The following THOC3 variants were observed in gnomAD, a reference collection of about 807,000 sequenced individuals.
THOC3 encodes the protein THO complex subunit 3.
Under a neutral mutation model 23.3 loss-of-function variants are expected in THOC3, and 4 were observed. That is an observed-to-expected ratio of 0.17 (90% CI 0.08 to 0.39). The LOEUF (loss-of-function observed/expected upper bound fraction) is 0.39, where lower values mean the gene tolerates loss of function less well. Ranked by LOEUF, THOC3 falls within the 10% of genes least tolerant of loss-of-function variation. The pLI is 1.00. For synonymous variants in THOC3, 27 were observed against 141.5 expected (o/e 0.19, Z 5.74); for missense variants, 64 against 359.4 (o/e 0.18, Z 6.65).
rs2113047666 is a variant in THOC3, at chr5:175,959,629, C to A, written c.*340G>T. On this transcript the variant is annotated 3_prime_UTR_variant, in exon 6 of 6. Coordinates refer to ENST00000265097, the MANE Select transcript of THOC3 (RefSeq NM_032361.4). ...AAAAAACTTCCATGCCCTTCCATTC[C>A]CCTCCCTCCAAACTAGGTATTGTCC... 2 of 133,378 alleles carry A rather than the reference C, an allele frequency of 1.5e-5. No homozygotes were observed. The highest frequency in any genetic ancestry group is 4.1e-4 in the East Asian group (2 of 4,930). 8.3% of individuals were successfully genotyped at this position (133,378 alleles called of 1,614,324 possible). A position where few individuals can be genotyped will look rare whatever the true frequency, so the allele number is the denominator to read the frequency against.
chr5:175,968,060 T>G lies in THOC3; in HGVS notation c.149A>C (p.Glu50Ala). ...ELFRGHSKTR[E>A]FLAHSAKVHS... ...CACCTTGGCGCTGTGCGCCAGGAACTCGCGCGTCTTGCTGTGGCCCCGGAA... is the reference window on the plus strand; with the variant it reads ...CACCTTGGCGCTGTGCGCCAGGAACGCGCGCGTCTTGCTGTGGCCCCGGAA... The change falls in exon 1 of 6, where the codon GAG becomes GCG. Residue 50 changes from glutamate to alanine, a missense_variant. Physicochemically the swap from Glu to Ala is moderately radical, Grantham distance 107 (BLOSUM62 -1). Transcript: ENST00000265097. 6.2e-7 allele frequency: 1 copy of G among 1,611,642 alleles called. No homozygotes were observed. Among genetic ancestry groups the G allele is most frequent in the Non-Finnish European group, 8.5e-7 (1 of 1,179,782 alleles).
At chr5:175,962,322 T>C (rs1310113322) in intron 3 of THOC3, among the ~76,000 whole-genome samples, 1 of 141,340 alleles carries the variant, frequency 7.1e-6, no homozygotes, top group Non-Finnish European at 1.5e-5. Context: ...ATATTTGTAA[T>C]ATAGAAGAGG....
At chr5:175,962,421 T>TACACACACACACACGCACAC (rs1756677792) in intron 3 of THOC3, among the ~76,000 whole-genome samples, 1 of 44,192 alleles carries the variant, frequency 2.3e-5, no homozygotes, top group African/African-American at 7.5e-5. Flanking sequence ...TATATATATA[T>TACACACACACACACGCACAC]ACACACACAC....
chr5:175,967,569 C>CG (rs1756796650), intron 1 of THOC3: 4 of 307,292 alleles, frequency 1.3e-5, no homozygotes, highest in East Asian at 1.2e-4. Flanking sequence ...ACCACCACCA[C>CG]CACCACCACC....
chr5:175,960,547 A>T (rs77014357), intron 5 of THOC3: 1 of 139,746 alleles, frequency 7.2e-6, no homozygotes. Flanking sequence ...AAGAGTGTCA[A>T]AGATTTCCAA....
chr5:175,965,591 A>AT (rs534154687), intron 2 of THOC3, among the ~76,000 whole-genome samples: 17 of 152,238 alleles, frequency 1.1e-4, no homozygotes, highest in African/African-American at 4.1e-4. Context: ...CACCAGGCTA[A>AT]TTTTTTTGTA....
intron 3 of THOC3, among the ~76,000 whole-genome samples, chr5:175,962,672 G>A (rs1756688711): frequency 7.0e-6 from 1 of 143,148 alleles, no homozygotes; most frequent in Non-Finnish European, 1.5e-5. Flanking sequence ...ATATACACGT[G>A]CGTCACCACG....
At chr5:175,962,138 A>G (rs1756671232) in intron 3 of THOC3, among the ~76,000 whole-genome samples, 1 of 151,992 alleles carries the variant, frequency 6.6e-6, no homozygotes, top group Admixed American at 6.5e-5. Flanking sequence ...GCAAAAACCA[A>G]AAACATTTTT....
Position 175,968,022 on chromosome 5 carries a change from A to G in THOC3, c.187T>C (p.Trp63Arg), listed in dbSNP as rs1756809692. Residue 63 changes from tryptophan to arginine, a missense_variant, in exon 1 of 6, where the codon TGG becomes CGG. Physicochemically the swap from Trp to Arg is moderately radical, Grantham distance 101 (BLOSUM62 -3). Transcript: ENST00000265097. ...GCTAGGCGACGCCCGTCGCAACTCC[A>G]GGCCACCGAGTGCACCTTGGCGCTG... ...AHSAKVHSVA[W>R]SCDGRRLASG... 1 of 1,610,428 alleles carries G rather than the reference A, an allele frequency of 6.2e-7. No individual in the cohort carries two copies. Among genetic ancestry groups the G allele is most frequent in the Non-Finnish European group, 8.5e-7 (1 of 1,179,440 alleles).
At position 175,965,087 on chromosome 5, in the gene THOC3, C is replaced by T. The variant is rs1756740436; in HGVS notation, c.493G>A (p.Val165Met). Residue 165 changes from valine (V) to methionine (M), a missense_variant, in exon 3 of 6, where the codon GTG becomes ATG. Transcript: ENST00000265097. The part of the protein sequence containing the change: ...TIAVGNKDDV[V>M]TFIDAKTHRS... Reference sequence around the variant, plus strand: ...TGTGTCTTGGCATCAATAAAGGTCACCACATCATCCTTGTTGCCTACAGCA... The same window carrying T: ...TGTGTCTTGGCATCAATAAAGGTCATCACATCATCCTTGTTGCCTACAGCA... The T allele has an allele frequency of 1.3e-6, 2 of 1,576,518 alleles. No homozygotes were observed. Among genetic ancestry groups the T allele is most frequent in the Non-Finnish European group, 1.7e-6 (2 of 1,163,454 alleles).
intron 3 of THOC3, among the ~76,000 whole-genome samples, chr5:175,961,971 G>T (rs1159623022): frequency 6.7e-6 from 1 of 149,776 alleles, no homozygotes; most frequent in Non-Finnish European, 1.5e-5. Context: ...TTAAAAAAAT[G>T]ACTAGAGACT....
rs1257254248 is a variant in THOC3, at chr5:175,962,673, C to G, written c.630-1239G>C. On this transcript the variant is annotated intron_variant, in intron 3 of 5. Coordinates refer to ENST00000265097, the MANE Select transcript of THOC3 (RefSeq NM_032361.4). ...CCAAGCAGCTGGGAATATACACGTG[C>G]GTCACCACGCCCAGATAATTTTTGT... is the stretch of plus-strand genomic sequence containing the variant. Among the ~76,000 whole-genome samples, 13 of 143,602 alleles carry G rather than the reference C, an allele frequency of 9.1e-5. No homozygotes were observed. In the South Asian group the frequency reaches 2.9e-3, roughly 32 times the overall value. The allele number at this position is 143,602 out of a possible 152,430, so 94.2% of individuals were successfully genotyped here. A position where few individuals can be genotyped will look rare whatever the true frequency, so the allele number is the denominator to read the frequency against.
chr5:175,967,586 A>ACCACCACCACCG (rs1221412276), intron 1 of THOC3: 1 of 271,752 alleles, frequency 3.7e-6, no homozygotes, highest in African/African-American at 3.0e-5. Flanking sequence ...CACCACCACC[A>ACCACCACCACCG]CAGCCCCTAG....
At chr5:175,963,178 T>C (rs1397349824) in intron 3 of THOC3, among the ~76,000 whole-genome samples, 1 of 152,218 alleles carries the variant, frequency 6.6e-6, no homozygotes, top group African/African-American at 2.4e-5. Context: ...CTACATGAAC[T>C]ACACTACTGG....
rs59077860 is a variant in THOC3, at chr5:175,962,421, T to TAC, written c.630-989_630-988dup. On this transcript the variant is annotated intron_variant, in intron 3 of 5. Transcript: ENST00000265097. ...TTTTATCTTTAAATATATATATATA[T>TAC]ACACACACACACACACACACACGTA... is the stretch of plus-strand genomic sequence containing the variant. 3.0e-3 allele frequency among the ~76,000 whole-genome samples: 131 copies of TAC among 44,204 alleles called. 11 individuals carry two copies. In the South Asian group the frequency reaches 0.043, roughly 14 times the overall value. 29.0% of individuals were successfully genotyped at this position (44,204 alleles called of 152,430 possible).
rs1292561197 is a variant in THOC3, at chr5:175,961,633, G to A, written c.630-199C>T. Among the ~76,000 whole-genome samples the A allele has an allele frequency of 2.6e-5, 4 of 151,714 alleles. No homozygotes were observed. In the East Asian group the frequency reaches 5.8e-4, roughly 22 times the overall value. On this transcript the variant is annotated intron_variant, in intron 3 of 5. Transcript: ENST00000265097. ...ACATACCTGAGACTACAGAACCAAA[G>A]TTACCAACATCGAGACAGAGACTAG...
rs186421587 is a variant in THOC3 at position 175,960,518 on chromosome 5, C to T, written c.893-386G>A. 5 of 187,396 alleles carry T rather than the reference C, an allele frequency of 2.7e-5. No homozygotes were observed. In the East Asian group the frequency reaches 7.2e-4, roughly 27 times the overall value. The allele number at this position is 187,396 out of a possible 1,614,324, so 11.6% of individuals were successfully genotyped here. The stretch of plus-strand genomic sequence containing the variant: ...ACTTTCCTCTTCGAAGTTTTCTATA[C>T]AGTTTTAATCTTTTTACGAAGAGTG... On this transcript the variant is annotated intron_variant, in intron 5 of 5. Coordinates refer to ENST00000265097, the MANE Select transcript of THOC3 (RefSeq NM_032361.4).
intron 2 of THOC3, among the ~76,000 whole-genome samples, chr5:175,965,466 T>A (rs760916721): frequency 5.1e-4 from 77 of 152,342 alleles, no homozygotes; most frequent in Non-Finnish European, 9.0e-4. Flanking sequence ...AGCTATGAAG[T>A]CACAGAGCTA....
intron 3 of THOC3, among the ~76,000 whole-genome samples, chr5:175,963,080 A>G (rs1387726078): frequency 6.6e-6 from 1 of 152,266 alleles, no homozygotes; most frequent in Non-Finnish European, 1.5e-5. Flanking sequence ...ATTCTTTAAA[A>G]AAAAAACACC....
Sources: allele counts gnomAD v4.1 joint callset (sites outside exome capture counted in the v4.1 genomes callset), GRCh38; gene constraint gnomAD v4.1.1; transcripts MANE v1.5; gene names NCBI Gene and HGNC (gene_info 2026-07-23, HGNC 2026-07-21).